ASTN2: variants seen among roughly 807,000 people sequenced by gnomAD.
ASTN2 encodes the protein astrotactin 2, also known as astrotactin-2.
ASTN2 carries 54 observed loss-of-function variants against 139.8 expected under a neutral mutation model. The observed-to-expected ratio is 0.39, with a 90% CI of 0.31 to 0.48. ASTN2 has a LOEUF of 0.48. Ranked by LOEUF, ASTN2 falls within the 20% of genes least tolerant of loss-of-function variation. ASTN2 has a pLI of 0.95. For missense variants in ASTN2, 1,565 were observed against 1,725.1 expected (o/e 0.91, Z 1.64); for synonymous variants, 756 against 719.5 (o/e 1.05, Z -0.81).
intron 2 of ASTN2, among the ~76,000 whole-genome samples, chr9:117,270,650 T>C (rs552124054): frequency 1.3e-5 from 2 of 152,342 alleles, no homozygotes; most frequent in South Asian, 4.1e-4. Context: ...ATCTTGGACA[T>C]GATAAACTTT....
intron 20 of ASTN2, among the ~76,000 whole-genome samples, chr9:116,449,140 T>G (rs1848097815): frequency 6.6e-6 from 1 of 152,166 alleles, no homozygotes; most frequent in Non-Finnish European, 1.5e-5. Context: ...GCGTGGTGGC[T>G]CACAACTGTA....
At chr9:116,545,823 G>T (rs1035272) in intron 19 of ASTN2, 135,396 of 152,244 alleles carry the variant, frequency 0.89, 60,289 homozygotes, top group Admixed American at 0.92. Flanking sequence ...AATAGACCTT[G>T]GTTGGTGAGT....
intron 4 of ASTN2, among the ~76,000 whole-genome samples, chr9:117,132,388 C>T (rs956950584): frequency 6.6e-6 from 1 of 151,598 alleles, no homozygotes; most frequent in Non-Finnish European, 1.5e-5. Flanking sequence ...TTTTATTATG[C>T]AACAATGCTA....
chr9:116,721,269 A>T (rs1485763607), intron 16 of ASTN2, among the ~76,000 whole-genome samples: 1 of 152,228 alleles, frequency 6.6e-6, no homozygotes, highest in East Asian at 1.9e-4. Context: ...TTGAATTGAG[A>T]TCCATCTGAT....
intron 3 of ASTN2, among the ~76,000 whole-genome samples, chr9:117,145,445 G>A (rs539611371): frequency 5.3e-5 from 8 of 152,328 alleles, no homozygotes; most frequent in South Asian, 4.1e-4. Flanking sequence ...GGTTTGGCCC[G>A]TGGGATGCCC....
intron 3 of ASTN2, chr9:117,180,837 C>G (rs1831045196): frequency 6.4e-7 from 1 of 1,554,494 alleles, no homozygotes; most frequent in Admixed American, 1.7e-5. Context: ...TGAAGCCCCA[C>G]TTCTTTGAGA....
At chr9:117,232,004 T>C (rs1369040944) in intron 2 of ASTN2, among the ~76,000 whole-genome samples, 1 of 152,134 alleles carries the variant, frequency 6.6e-6, no homozygotes, top group Non-Finnish European at 1.5e-5. Flanking sequence ...AGAAGGGGAT[T>C]AGAAGATCTG....
intron 20 of ASTN2, among the ~76,000 whole-genome samples, chr9:116,443,378 G>A (rs1343599949): frequency 1.3e-5 from 2 of 152,312 alleles, no homozygotes; most frequent in African/African-American, 2.4e-5. Flanking sequence ...GAACCTTGTA[G>A]GCCATGCCAG....
At position 116,609,479 on chromosome 9, in the gene ASTN2, A is replaced by G. The variant is rs189012429; in HGVS notation, c.3355+8845T>C. 1.2e-3 allele frequency among the ~76,000 whole-genome samples: 183 copies of G among 150,674 alleles called. 1 individual carries two copies. The highest frequency in any genetic ancestry group is 3.1e-3 in the Admixed American group (47 of 15,120). On this transcript the variant is annotated intron_variant, in intron 19 of 22. Coordinates refer to ENST00000313400, the MANE Select transcript of ASTN2 (RefSeq NM_001365068.1). ...AAACAAGAAGACCAAAGTGTAACAT[A>G]TTTAATTACTAGGATAAAAATCTGT...
At chr9:116,603,852 A>C (rs557970620) in intron 19 of ASTN2, among the ~76,000 whole-genome samples, 1 of 152,312 alleles carries the variant, frequency 6.6e-6, no homozygotes, top group South Asian at 2.1e-4. Context: ...AGATGGTGAC[A>C]GGGAGGGAGA....
intron 6 of ASTN2, among the ~76,000 whole-genome samples, chr9:117,022,873 G>A (rs1837928812): frequency 6.6e-6 from 1 of 152,118 alleles, no homozygotes; most frequent in Non-Finnish European, 1.5e-5. Flanking sequence ...ATGCTCAGAG[G>A]CAGGTCTGAG....
At chr9:117,405,741 A>G (rs1830965159) in intron 1 of ASTN2, among the ~76,000 whole-genome samples, 1 of 152,240 alleles carries the variant, frequency 6.6e-6, no homozygotes, top group Non-Finnish European at 1.5e-5. Context: ...TCCTGGAACC[A>G]TGGTGTATCA....
At chr9:116,657,192 CACTT>C (rs1200741157) in intron 16 of ASTN2, among the ~76,000 whole-genome samples, 1 of 152,176 alleles carries the variant, frequency 6.6e-6, no homozygotes, top group Non-Finnish European at 1.5e-5. Flanking sequence ...GCAAGGCCTG[CACTT>C]CTGTGTTGTG....
chr9:116,693,181 G>A (rs913227768), intron 16 of ASTN2, among the ~76,000 whole-genome samples: 2 of 151,966 alleles, frequency 1.3e-5, no homozygotes, highest in Admixed American at 1.3e-4. Flanking sequence ...TACACCTAAG[G>A]GTATCAGGCT....
chr9:116,800,273 G>T (rs1173229681), intron 13 of ASTN2, among the ~76,000 whole-genome samples: 3 of 152,030 alleles, frequency 2.0e-5, no homozygotes, highest in Non-Finnish European at 4.4e-5. Context: ...CTCCTGCTGT[G>T]ACATAGACTG....
At chr9:116,996,965 T>C (rs1440538636) in intron 7 of ASTN2, among the ~76,000 whole-genome samples, 1 of 152,170 alleles carries the variant, frequency 6.6e-6, no homozygotes, top group Non-Finnish European at 1.5e-5. Context: ...ATATTTATGA[T>C]GTTAAAATCT....
intron 10 of ASTN2, among the ~76,000 whole-genome samples, chr9:116,902,591 GGCTAT>G (rs1367011234): frequency 1.3e-5 from 2 of 151,888 alleles, no homozygotes; most frequent in Non-Finnish European, 2.9e-5. Flanking sequence ...GTGTGCACTA[GGCTAT>G]ACTATCTGGG....
intron 19 of ASTN2, among the ~76,000 whole-genome samples, chr9:116,609,949 T>G (rs949472473): frequency 6.6e-6 from 1 of 152,004 alleles, no homozygotes; most frequent in African/African-American, 2.4e-5. Context: ...CACTAAATTT[T>G]TTTAAAAAAG....
At chr9:117,361,773 T>C (rs1275292502) in intron 1 of ASTN2, among the ~76,000 whole-genome samples, 3 of 152,174 alleles carry the variant, frequency 2.0e-5, no homozygotes, top group Non-Finnish European at 1.5e-5. Context: ...AGGACCCTTC[T>C]CACTCCTCTA....
Sources: gnomAD v4.1 joint callset for allele counts (sites outside exome capture counted in the v4.1 genomes callset) on GRCh38, gnomAD v4.1.1 for gene constraint, MANE v1.5 for transcripts, NCBI Gene and HGNC (gene_info 2026-07-23, HGNC 2026-07-21) for gene names.